KIAA1217: variants seen among roughly 807,000 people sequenced by gnomAD.
The protein encoded by KIAA1217 is KIAA1217.
Under a neutral mutation model 163.9 loss-of-function variants are expected in KIAA1217, and 88 were observed. The ratio of observed to expected loss-of-function variants is 0.54; its 90% CI spans 0.45 to 0.64. The LOEUF is 0.64. Ranked by LOEUF, KIAA1217 falls within the 30% of genes least tolerant of loss-of-function variation. The pLI, the probability that KIAA1217 is intolerant of heterozygous loss-of-function variation, is 0.00. For synonymous variants in KIAA1217, 903 were observed against 923.1 expected, an observed-to-expected ratio of 0.98 and a Z score of 0.39; for missense variants, 2,372 against 2,475.0, an observed-to-expected ratio of 0.96 and a Z score of 0.88.
intron 5 of KIAA1217, among the ~76,000 whole-genome samples, chr10:24,459,771 A>AT: frequency 6.6e-6 from 1 of 152,002 alleles, no homozygotes; most frequent in South Asian, 2.1e-4. Flanking sequence ...AAAAAAAAAA[A>AT]TGTTTTTTAA....
intron 2 of KIAA1217, among the ~76,000 whole-genome samples, chr10:24,372,807 T>C (rs1356447159): frequency 6.6e-6 from 1 of 152,174 alleles, no homozygotes; most frequent in African/African-American, 2.4e-5. Flanking sequence ...ACACAGACAT[T>C]GTAATTTGTT....
At chr10:24,361,982 C>CA (rs68117028) in intron 2 of KIAA1217, among the ~76,000 whole-genome samples, 1,007 of 100,440 alleles carry the variant, frequency 0.01, 16 homozygotes, top group Middle Eastern at 0.016. Flanking sequence ...GACTCTGTCT[C>CA]AAAAAAAAAA....
rs1165629622 is a variant in KIAA1217, at chr10:24,444,443, C to A, written c.846+5964C>A. Among the ~76,000 whole-genome samples, 6 of 152,300 alleles carry A rather than the reference C, an allele frequency of 3.9e-5. No individual in the cohort carries two copies. In the East Asian group the frequency reaches 7.7e-4, roughly 20 times the overall value. ...CCCTTTTGGGGGCCTGTTGCACATT[C>A]GCATTGTGTTATAATCATTTAGCTG... is the stretch of plus-strand genomic sequence containing the variant. On this transcript the variant is annotated intron_variant, in intron 5 of 20. Transcript: ENST00000376454.
intron 1 of KIAA1217, among the ~76,000 whole-genome samples, chr10:23,763,048 G>T (rs1834341308): frequency 6.6e-6 from 1 of 152,006 alleles, no homozygotes; most frequent in African/African-American, 2.4e-5. Flanking sequence ...TAGGAATACA[G>T]CTAACAAGGC....
chr10:23,946,090 G>A (rs955053285), intron 1 of KIAA1217, among the ~76,000 whole-genome samples: 2 of 152,140 alleles, frequency 1.3e-5, no homozygotes, highest in Middle Eastern at 3.4e-3. Flanking sequence ...AGTTATGGCA[G>A]AAACCACAAT....
At chr10:24,085,964 C>T (rs138171163) in intron 2 of KIAA1217, among the ~76,000 whole-genome samples, 2,475 of 144,044 alleles carry the variant, frequency 0.017, 69 homozygotes, top group African/African-American at 0.069. Flanking sequence ...CAAAGCGAGA[C>T]CCTGTCTCAA....
chr10:24,469,687 C>T (rs1289467468), intron 5 of KIAA1217, among the ~76,000 whole-genome samples: 1 of 152,174 alleles, frequency 6.6e-6, no homozygotes, highest in Non-Finnish European at 1.5e-5. Context: ...TCTCGGCTCA[C>T]TGCAACCTCC....
chr10:24,503,868 C>T (rs1297344374), intron 9 of KIAA1217, among the ~76,000 whole-genome samples: 1 of 152,156 alleles, frequency 6.6e-6, no homozygotes, highest in African/African-American at 2.4e-5. Context: ...CTCCTCATTG[C>T]GCCCTTTAAG....
chr10:24,293,214 G>T (rs1316096955), intron 2 of KIAA1217, among the ~76,000 whole-genome samples: 3 of 151,762 alleles, frequency 2.0e-5, no homozygotes, highest in Non-Finnish European at 4.4e-5. Flanking sequence ...GGCTAATTTT[G>T]TTGTTGTTGT....
chr10:24,331,549 A>G (rs1409437499), intron 2 of KIAA1217, among the ~76,000 whole-genome samples: 2 of 152,238 alleles, frequency 1.3e-5, no homozygotes, highest in Non-Finnish European at 2.9e-5. Context: ...TAGAGAAGGT[A>G]GGAGAAAACC....
At chr10:24,079,094 T>C (rs1326669424) in intron 2 of KIAA1217, among the ~76,000 whole-genome samples, 2 of 152,238 alleles carry the variant, frequency 1.3e-5, no homozygotes, top group Admixed American at 1.3e-4. Context: ...AACCTGACGA[T>C]ACAGGAGACT....
Position 24,474,069 on chromosome 10 carries a change from C to A in KIAA1217, c.1679+9C>A. On this transcript the variant is annotated intron_variant, in intron 6 of 20. Coordinates refer to ENST00000376454, the MANE Select transcript of KIAA1217 (RefSeq NM_019590.5). The stretch of plus-strand genomic sequence containing the variant: ...AAAGACAGAGAGACCAGGTAAGGTG[C>A]AGTGAGGGTGACCGAGGGTGGTACC... The A allele has an allele frequency of 1.3e-6, 2 of 1,579,900 alleles. No individual in the cohort carries two copies. Among genetic ancestry groups the A allele is most frequent in the Non-Finnish European group, 1.7e-6 (2 of 1,162,090 alleles).
rs151271407 is a variant in KIAA1217, at chr10:24,261,736, G to A, written c.354+41827G>A. Among the ~76,000 whole-genome samples, 769 of 152,192 alleles carry A rather than the reference G, an allele frequency of 5.1e-3. 6 individuals carry two copies. The highest frequency in any genetic ancestry group is 0.018 in the African/African-American group (733 of 41,500). On this transcript the variant is annotated intron_variant, in intron 2 of 20. Coordinates refer to ENST00000376454, the MANE Select transcript of KIAA1217 (RefSeq NM_019590.5). ...ACTAGGGGGTGGGCTACCGTAACCA[G>A]GACTCTGAGGATAGGTGCAGGGTCA... is the stretch of plus-strand genomic sequence containing the variant.
chr10:24,024,688 G>A (rs369748269), intron 2 of KIAA1217, among the ~76,000 whole-genome samples: 1 of 151,692 alleles, frequency 6.6e-6, no homozygotes, highest in African/African-American at 2.4e-5. Context: ...TACCAGCAAT[G>A]TATGAGAATT....
chr10:24,276,656 C>A (rs1442078819), intron 2 of KIAA1217, among the ~76,000 whole-genome samples: 1 of 149,488 alleles, frequency 6.7e-6, no homozygotes, highest in African/African-American at 2.5e-5. Flanking sequence ...GTCACCGAGG[C>A]CGTAGTGCAG....
At chr10:24,072,379 A>G (rs1343819839) in intron 2 of KIAA1217, among the ~76,000 whole-genome samples, 1 of 152,212 alleles carries the variant, frequency 6.6e-6, no homozygotes, top group African/African-American at 2.4e-5. Flanking sequence ...TAACTAGAGA[A>G]GCAGTAACTT....
chr10:24,246,154 C>T (rs1304274139), intron 2 of KIAA1217, among the ~76,000 whole-genome samples: 1 of 152,158 alleles, frequency 6.6e-6, no homozygotes, highest in East Asian at 1.9e-4. Context: ...CGGTAAAGAG[C>T]CTCACAAAGG....
intron 5 of KIAA1217, among the ~76,000 whole-genome samples, chr10:24,471,665 C>T (rs567620134): frequency 4.3e-4 from 66 of 151,962 alleles, no homozygotes; most frequent in Admixed American, 3.5e-3. Context: ...GGCAGATCAC[C>T]TGAGGTCAGG....
intron 2 of KIAA1217, among the ~76,000 whole-genome samples, chr10:24,137,097 A>C (rs189725942): frequency 6.6e-6 from 1 of 152,354 alleles, no homozygotes; most frequent in African/African-American, 2.4e-5. Flanking sequence ...TCATGTAAAA[A>C]CATGCATCAT....
Sources: allele counts gnomAD v4.1 joint callset (sites outside exome capture counted in the v4.1 genomes callset), GRCh38; gene constraint gnomAD v4.1.1; transcripts MANE v1.5; gene names NCBI Gene and HGNC (gene_info 2026-07-23, HGNC 2026-07-21).